Variants in SCLT1 observed in about 807,000 individuals in gnomAD.
SCLT1 encodes the protein sodium channel-associated protein 1.
Under a neutral mutation model 112.8 loss-of-function variants are expected in SCLT1, and 78 were observed. The observed-to-expected ratio is 0.69, with a 90% confidence interval of 0.58 to 0.83. The LOEUF is 0.83. Ranked by LOEUF, SCLT1 falls within the 40% of genes least tolerant of loss-of-function variation. The probability of loss-of-function intolerance (pLI) is 0.00; values close to 1 mark genes in which losing one functional copy is unlikely to be tolerated. For synonymous variants in SCLT1, 257 were observed against 254.7 expected (o/e 1.01, Z -0.09); for missense variants, 747 against 770.4 (o/e 0.97, Z 0.36).
chr4:128,903,787 G>T (rs1041543795), intron 18 of SCLT1, among the ~76,000 whole-genome samples: 2 of 152,092 alleles, frequency 1.3e-5, no homozygotes, highest in Non-Finnish European at 2.9e-5. Context: ...TCTCTGTCAG[G>T]ATGTTTCATT....
intron 18 of SCLT1, among the ~76,000 whole-genome samples, chr4:128,900,218 AG>A (rs1734156322): frequency 6.6e-6 from 1 of 152,236 alleles, no homozygotes; most frequent in Non-Finnish European, 1.5e-5. Context: ...TGCATCGCCA[AG>A]TCAATCCTAA....
intron 4 of SCLT1, among the ~76,000 whole-genome samples, chr4:128,875,894 C>A (rs1418803004): frequency 6.6e-6 from 1 of 152,076 alleles, no homozygotes; most frequent in African/African-American, 2.4e-5. Flanking sequence ...CTTTTGATCA[C>A]AGAACTCTGG....
At chr4:128,991,300 T>C (rs571348281) in intron 9 of SCLT1, among the ~76,000 whole-genome samples, 1 of 151,586 alleles carries the variant, frequency 6.6e-6, no homozygotes, top group African/African-American at 2.4e-5. Context: ...TCAACCCCTA[T>C]CTCTTGCCAT....
chr4:129,059,905 G>C (rs1343268591), intron 2 of SCLT1, among the ~76,000 whole-genome samples: 1 of 152,114 alleles, frequency 6.6e-6, no homozygotes, highest in Admixed American at 6.5e-5. Context: ...ACAGCCTTGG[G>C]AAGTTTTCAG....
At chr4:128,925,791 C>T (rs934473184) in intron 18 of SCLT1, among the ~76,000 whole-genome samples, 1 of 151,866 alleles carries the variant, frequency 6.6e-6, no homozygotes, top group Admixed American at 6.6e-5. Flanking sequence ...TGGTTTCTTT[C>T]GCTCTCTTCA....
At chr4:129,049,237 C>G (rs1188731957) in intron 2 of SCLT1, among the ~76,000 whole-genome samples, 9 of 151,534 alleles carry the variant, frequency 5.9e-5, no homozygotes, top group Admixed American at 4.0e-4. Flanking sequence ...ACCCAAATGT[C>G]CAACAATGAT....
Position 128,930,897 on chromosome 4 carries a change from A to G in SCLT1, c.1829+5758T>C, listed in dbSNP as rs141547353. Among the ~76,000 whole-genome samples, 25 of 152,290 alleles carry G rather than the reference A, an allele frequency of 1.6e-4. No homozygotes were observed. In the East Asian group the frequency reaches 3.7e-3, roughly 22 times the overall value. ...CAGATAATTAATAGTAAAGGAATGAATATCTTTAAAAAAAGAATTTGATAA... is the reference window on the plus strand; with the variant it reads ...CAGATAATTAATAGTAAAGGAATGAGTATCTTTAAAAAAAGAATTTGATAA... On this transcript the variant is annotated intron_variant, in intron 18 of 20. Coordinates refer to ENST00000281142, the MANE Select transcript of SCLT1 (RefSeq NM_144643.4).
At chr4:128,878,334 T>C (rs1316604481) in intron 3 of SCLT1, among the ~76,000 whole-genome samples, 2 of 152,228 alleles carry the variant, frequency 1.3e-5, no homozygotes, top group Admixed American at 1.3e-4. Context: ...TGGGTTAATG[T>C]GATTATTTTA....
chr4:128,924,727 T>C (rs929166260), intron 18 of SCLT1, among the ~76,000 whole-genome samples: 6 of 152,152 alleles, frequency 3.9e-5, no homozygotes, highest in African/African-American at 7.2e-5. Context: ...CAGGTTATTT[T>C]TGTGTATGGT....
Position 128,962,164 on chromosome 4 carries a change from C to T in SCLT1, c.870-2387G>A, listed in dbSNP as rs187193941. 1.6e-3 allele frequency among the ~76,000 whole-genome samples: 242 copies of T among 152,234 alleles called. 2 individuals carry two copies. Among genetic ancestry groups the T allele is most frequent in the Middle Eastern group, 0.01 (3 of 294 alleles). ...AGAATACCCAACTATATAAGTTGAGCATTTAAATGTAATTAAACAGTTCAT... is the reference window on the plus strand; with the variant it reads ...AGAATACCCAACTATATAAGTTGAGTATTTAAATGTAATTAAACAGTTCAT... On this transcript the variant is annotated intron_variant, in intron 11 of 20. Coordinates refer to ENST00000281142, the MANE Select transcript of SCLT1 (RefSeq NM_144643.4).
intron 18 of SCLT1, among the ~76,000 whole-genome samples, chr4:128,896,365 C>A (rs1448877658): frequency 3.3e-5 from 5 of 152,140 alleles, no homozygotes; most frequent in Admixed American, 3.3e-4. Flanking sequence ...TTGCTGTTCA[C>A]CAACATCCAC....
At chr4:128,947,746 C>T (rs1425712276) in intron 15 of SCLT1, among the ~76,000 whole-genome samples, 1 of 151,986 alleles carries the variant, frequency 6.6e-6, no homozygotes, top group African/African-American at 2.4e-5. Flanking sequence ...TGGAGTTCTC[C>T]CTATAGTTTT....
At chr4:129,013,706 G>A (rs1744743357) in intron 5 of SCLT1, among the ~76,000 whole-genome samples, 1 of 152,036 alleles carries the variant, frequency 6.6e-6, no homozygotes, top group African/African-American at 2.4e-5. Flanking sequence ...CTTTGTAGGT[G>A]ACCTCATCTT....
intron 18 of SCLT1, among the ~76,000 whole-genome samples, chr4:128,915,588 T>G (rs1236916483): frequency 6.6e-6 from 1 of 152,180 alleles, no homozygotes; most frequent in African/African-American, 2.4e-5. Context: ...TGGGGGCACA[T>G]TATATCATGT....
At chr4:128,985,104 G>C (rs1184028438) in intron 9 of SCLT1, among the ~76,000 whole-genome samples, 1 of 151,812 alleles carries the variant, frequency 6.6e-6, no homozygotes, top group Non-Finnish European at 1.5e-5. Flanking sequence ...ACATTTTACT[G>C]TTCATTCCCT....
intron 8 of SCLT1, among the ~76,000 whole-genome samples, chr4:128,992,516 T>C (rs1579622957): frequency 6.6e-6 from 1 of 151,972 alleles, no homozygotes; most frequent in East Asian, 1.9e-4. Context: ...GGCATAAAGC[T>C]ATAAGTGTTA....
chr4:129,092,927 C>T (rs1449326095), intron 1 of SCLT1, 143 bp downstream of exon 1: 4 of 666,424 alleles, frequency 6.0e-6, no homozygotes, highest in South Asian at 3.5e-5. Flanking sequence ...CGTATAACAT[C>T]AAGGTTTTTT....
Position 128,884,448 on chromosome 4 carries a change from A to G in SCLT1, c.*29T>C, listed in dbSNP as rs1732738745. On this transcript the variant is annotated 3_prime_UTR_variant, in exon 21 of 21. Transcript: ENST00000281142. ...CTAGTCCAACTGCTTTCCCAACTCTAAAGTTCTGTGAGTGAACTATGAATA... is the reference window on the plus strand; with the variant it reads ...CTAGTCCAACTGCTTTCCCAACTCTGAAGTTCTGTGAGTGAACTATGAATA... 7.0e-7 allele frequency: 1 copy of G among 1,431,934 alleles called. No homozygotes were observed. The highest frequency in any genetic ancestry group is 1.1e-5 in the South Asian group (1 of 87,184). The allele number at this position is 1,431,934 out of a possible 1,614,324, so 88.7% of individuals were successfully genotyped here. A position where few individuals can be genotyped will look rare whatever the true frequency, so the allele number is the denominator to read the frequency against.
rs1414242072 is a variant in SCLT1 at position 128,946,089 on chromosome 4, A to C, written c.1357T>G (p.Phe453Val). The change falls in exon 16 of 21, where the codon TTC (phenylalanine) becomes GTC (valine). Residue 453 changes from phenylalanine (F) to valine (V), a missense_variant. Physicochemically the swap from Phe to Val is conservative, Grantham distance 50. Transcript: ENST00000281142. ...YRKLEEMHQR[F>V]LVSERSKDDL... Reference sequence around the variant, plus strand: ...TCTTTTGAACGCTCTGAAACCAGGAATCTTTGGTGCATTTCTTCCAGTTTT... The same window carrying C: ...TCTTTTGAACGCTCTGAAACCAGGACTCTTTGGTGCATTTCTTCCAGTTTT... 3.1e-6 allele frequency: 5 copies of C among 1,609,054 alleles called. No homozygotes were observed. In the African/African-American group the frequency reaches 5.3e-5, roughly 17 times the overall value.
Sources: gnomAD v4.1 joint callset for allele counts (sites outside exome capture counted in the v4.1 genomes callset) on GRCh38, gnomAD v4.1.1 for gene constraint, MANE v1.5 for transcripts, NCBI Gene and HGNC (gene_info 2026-07-23, HGNC 2026-07-21) for gene names.